The following HIF3A variants were observed in gnomAD, a reference collection of about 807,000 sequenced individuals.
The protein encoded by HIF3A is hypoxia inducible factor 3 subunit alpha, also known as hypoxia-inducible factor 3-alpha.
Under a neutral mutation model 67.2 loss-of-function variants are expected in HIF3A, and 41 were observed. The ratio of observed to expected loss-of-function variants is 0.61; its 90% confidence interval spans 0.48 to 0.79. The LOEUF is 0.79. Among genes scored for constraint, HIF3A ranks in the 30% least tolerant of loss-of-function variants. HIF3A has a pLI of 0.00. For missense variants in HIF3A, 855 were observed against 898.0 expected (o/e 0.95, Z 0.61); for synonymous variants, 356 against 374.8 (o/e 0.95, Z 0.58).
At chr19:46,335,280 A>AT (rs1457298591) in intron 14 of HIF3A, among the ~76,000 whole-genome samples, 1 of 150,934 alleles carries the variant, frequency 6.6e-6, no homozygotes, top group Non-Finnish European at 1.5e-5. Context: ...TTATTTATTT[A>AT]TTTTTTGAGA....
At chr19:46,338,025 A>ACGAACT (rs1971749402) in intron 14 of HIF3A, among the ~76,000 whole-genome samples, 1 of 152,142 alleles carries the variant, frequency 6.6e-6, no homozygotes, top group Non-Finnish European at 1.5e-5. Context: ...GCTAAGATTC[A>ACGAACT]CGCACTCGCA....
At chr19:46,339,196 C>T (rs1294551114) in intron 14 of HIF3A, among the ~76,000 whole-genome samples, 3 of 152,048 alleles carry the variant, frequency 2.0e-5, no homozygotes, top group African/African-American at 7.2e-5. Flanking sequence ...TTTTACGTGT[C>T]CACCTTATCT....
intron 12 of HIF3A, 119 bp downstream of exon 12, chr19:46,329,597 G>C: frequency 8.0e-7 from 1 of 1,244,476 alleles, no homozygotes; most frequent in South Asian, 1.9e-5. Flanking sequence ...CTCCAGCCAG[G>C]CCCTCGGTGG....
intron 1 of HIF3A, chr19:46,298,212 C>G (rs1381064771): frequency 1.2e-5 from 4 of 335,046 alleles, no homozygotes; most frequent in Non-Finnish European, 2.4e-5. Flanking sequence ...CTAACCGCCC[C>G]CATCCTCTCC....
intron 10 of HIF3A, among the ~76,000 whole-genome samples, chr19:46,324,448 C>T (rs1026274389): frequency 3.9e-5 from 6 of 152,200 alleles, no homozygotes; most frequent in African/African-American, 1.4e-4. Context: ...CAGAGAAATA[C>T]AGACTGTGAC....
At chr19:46,338,266 AAC>A (rs1242115875) in intron 14 of HIF3A, 2 of 454,322 alleles carry the variant, frequency 4.4e-6, no homozygotes, top group South Asian at 1.6e-5. Context: ...CAGTGGCACA[AAC>A]ACAGCTCACC....
chr19:46,323,742 T>C (rs1970557852), intron 10 of HIF3A, among the ~76,000 whole-genome samples: 1 of 152,146 alleles, frequency 6.6e-6, no homozygotes, highest in Non-Finnish European at 1.5e-5. Flanking sequence ...CTCACAATCA[T>C]GGCGGAAGGT....
Position 46,339,683 on chromosome 19 carries a change from GC to G in HIF3A, c.*63del. 1 of 1,268,016 alleles carries G rather than the reference GC, an allele frequency of 7.9e-7. No homozygotes were observed. The highest frequency in any genetic ancestry group is 1.1e-6 in the Non-Finnish European group (1 of 908,076). 78.5% of individuals were successfully genotyped at this position (1,268,016 alleles called of 1,614,324 possible). Reference sequence around the variant, plus strand: ...AGAAAGGACCTCAACCACACTCCACGCCGGCAGCCAACGCACAGGATGGGGG... The same window carrying G: ...AGAAAGGACCTCAACCACACTCCACGCGGCAGCCAACGCACAGGATGGGGG... On this transcript the variant is annotated 3_prime_UTR_variant, in exon 15 of 15. Coordinates refer to ENST00000377670, the MANE Select transcript of HIF3A (RefSeq NM_152795.4).
At chr19:46,322,834 T>C (rs1970478241) in intron 10 of HIF3A, among the ~76,000 whole-genome samples, 1 of 152,140 alleles carries the variant, frequency 6.6e-6, no homozygotes, top group Non-Finnish European at 1.5e-5. Context: ...ATTGCACGGA[T>C]ACGGATGAAG....
At chr19:46,325,453 T>C in intron 10 of HIF3A, 82 bp from the exon 11 acceptor site, 2 of 960,340 alleles carry the variant, frequency 2.1e-6, no homozygotes, top group Middle Eastern at 3.0e-4. Context: ...TCCCCACTTC[T>C]ACCCTTGAGC....
At chr19:46,313,882 G>A (rs541849416) in intron 8 of HIF3A, among the ~76,000 whole-genome samples, 4 of 152,084 alleles carry the variant, frequency 2.6e-5, no homozygotes, top group African/African-American at 4.8e-5. Flanking sequence ...GTCTGGTCTC[G>A]AACTCCTGAC....
rs146924298 is a variant in HIF3A, at chr19:46,339,532, C to T, written c.1920C>T (p.Gly640=). ...TATCTTTCATCTTTGCAGGCCTGGG[C>T]CCCTCACTGCTCTCTCCGTACTCAG... ...LLNLNEPLGL[G]PSLLSPYSDE... The change falls in exon 15 of 15, where the codon GGC becomes GGT. Residue 640 remains glycine (G), a synonymous_variant. Transcript: ENST00000377670. The T allele has an allele frequency of 3.2e-6, 5 of 1,586,246 alleles. No individual in the cohort carries two copies. The highest frequency in any genetic ancestry group is 2.3e-5 in the East Asian group (1 of 43,466).
chr19:46,339,437 A>G, intron 14 of HIF3A, 88 bp from the exon 15 acceptor site: 2 of 873,444 alleles, frequency 2.3e-6, no homozygotes, highest in Non-Finnish European at 3.4e-6. Context: ...GATTTTAAAC[A>G]TTATTCCTGA....
chr19:46,304,995 T>C, intron 2 of HIF3A: 1 of 598,230 alleles, frequency 1.7e-6, no homozygotes, highest in South Asian at 1.7e-5. Context: ...CTTAGAATTC[T>C]GTTCCCTTGG....
intron 14 of HIF3A, among the ~76,000 whole-genome samples, chr19:46,336,149 A>G (rs932474279): frequency 7.4e-5 from 9 of 121,862 alleles, no homozygotes; most frequent in African/African-American, 3.0e-4. Context: ...GCTGGAGTGC[A>G]GCCGTGCGAT....
chr19:46,326,462 TAAGAG>T (rs1453720395), intron 11 of HIF3A, among the ~76,000 whole-genome samples: 2 of 152,136 alleles, frequency 1.3e-5, no homozygotes, highest in African/African-American at 4.8e-5. Context: ...GGCAATAACA[TAAGAG>T]TGTGAACATC....
chr19:46,331,440 G>T, intron 13 of HIF3A, 167 bp downstream of exon 13: 1 of 369,296 alleles, frequency 2.7e-6, no homozygotes, highest in Non-Finnish European at 5.4e-6. Flanking sequence ...TCACTAATGG[G>T]TATTAAAAAC....
At position 46,321,951 on chromosome 19, in the gene HIF3A, C is replaced by G. The variant is rs552993808; in HGVS notation, c.1320C>G (p.Pro440=). Residue 440 remains proline, a synonymous_variant, in exon 10 of 15, where the codon CCC becomes CCG. Transcript: ENST00000377670. ...TPSTPLATRH[P]QSPLSADLPD... ...GCACCCCGCTGGCCACACGGCACCC[C>G]CAAAGTCCTCTTTCGGTAAGCCATC... is the stretch of plus-strand genomic sequence containing the variant. 1.2e-4 allele frequency: 196 copies of G among 1,613,874 alleles called. 3 individuals carry two copies. The South Asian group carries it at 2.1e-3, about 17-fold the overall frequency.
intron 14 of HIF3A, chr19:46,338,303 G>A (rs1470334112): frequency 4.4e-6 from 2 of 452,590 alleles, no homozygotes; most frequent in Admixed American, 4.7e-5. Flanking sequence ...CTGGGCTCAA[G>A]TGATCCTCCT....
Sources: gnomAD v4.1 joint callset for allele counts (sites outside exome capture counted in the v4.1 genomes callset) on GRCh38, gnomAD v4.1.1 for gene constraint, MANE v1.5 for transcripts, NCBI Gene and HGNC (gene_info 2026-07-23, HGNC 2026-07-21) for gene names.